UBXN7: variants seen among roughly 807,000 people sequenced by gnomAD.
UBXN7 encodes the protein UBX domain-containing protein 7.
Under a neutral mutation model 58.0 loss-of-function variants are expected in UBXN7, and 9 were observed. The ratio of observed to expected loss-of-function variants is 0.16; its 90% CI spans 0.09 to 0.27. The LOEUF is 0.27. Among genes scored for constraint, UBXN7 ranks in the 10% least tolerant of loss-of-function variants. UBXN7 has a pLI of 1.00. For synonymous variants in UBXN7, 208 were observed against 205.0 expected, an observed-to-expected ratio of 1.01 and a Z score of -0.12; for missense variants, 328 against 599.6, an observed-to-expected ratio of 0.55 and a Z score of 4.73.
chr3:196,381,333 C>T (rs1729199254), intron 5 of UBXN7, among the ~76,000 whole-genome samples: 1 of 152,202 alleles, frequency 6.6e-6, no homozygotes, highest in South Asian at 2.1e-4. Context: ...GCTGGTGATA[C>T]CCAGGCAAAC....
rs370942304 is a variant in UBXN7, at chr3:196,369,875, G to A, written c.616-364C>T. Among the ~76,000 whole-genome samples, 4 of 152,210 alleles carry A rather than the reference G, an allele frequency of 2.6e-5. No individual in the cohort carries two copies. In the East Asian group the frequency reaches 7.7e-4, roughly 29 times the overall value. ...GGGCCAGGCATGGTGGCTCACGCCTGTAATCCCAGCACTTTAGGAGGCCGA... is the reference window on the plus strand; with the variant it reads ...GGGCCAGGCATGGTGGCTCACGCCTATAATCCCAGCACTTTAGGAGGCCGA... On this transcript the variant is annotated intron_variant, in intron 6 of 10. Coordinates refer to ENST00000296328, the MANE Select transcript of UBXN7 (RefSeq NM_015562.2).
chr3:196,369,870 C>T (rs1340979191), intron 6 of UBXN7, among the ~76,000 whole-genome samples: 1 of 152,086 alleles, frequency 6.6e-6, no homozygotes, highest in Admixed American at 6.6e-5. Context: ...TGGTGGCTCA[C>T]GCCTGTAATC....
chr3:196,363,045 CA>C (rs1728548751), intron 8 of UBXN7, among the ~76,000 whole-genome samples: 1 of 151,970 alleles, frequency 6.6e-6, no homozygotes, highest in African/African-American at 2.4e-5. Context: ...GCTGGGATTA[CA>C]AGCGCCCGCC....
chr3:196,422,625 G>A (rs1730723105), intron 1 of UBXN7, among the ~76,000 whole-genome samples: 2 of 152,256 alleles, frequency 1.3e-5, no homozygotes, highest in African/African-American at 4.8e-5. Flanking sequence ...CTGGCCTAGA[G>A]CAATCCTCCC....
At chr3:196,370,263 GTTTTTTTGTT>G (rs987022909) in intron 6 of UBXN7, among the ~76,000 whole-genome samples, 9 of 125,256 alleles carry the variant, frequency 7.2e-5, no homozygotes, top group Admixed American at 3.5e-4. Flanking sequence ...TCCACGAGAA[GTTTTTTTGTT>G]TTTTTTTGTT....
rs1730038988 is a variant in UBXN7 at position 196,402,954 on chromosome 3, C to A, written c.287G>T (p.Gly96Val). 6.3e-7 allele frequency: 1 copy of A among 1,595,466 alleles called. No individual in the cohort carries two copies. Among genetic ancestry groups the A allele is most frequent in the Non-Finnish European group, 8.5e-7 (1 of 1,176,144 alleles). ...CTAAGGGAAAAAAGTGAACTTACCACCAAATAATGGTTCTGGTTCCACCAG... is the reference window on the plus strand; with the variant it reads ...CTAAGGGAAAAAAGTGAACTTACCAACAAATAATGGTTCTGGTTCCACCAG... ...EILVEPEPLFGAPKRRRPARS... is the reference protein window; with the variant it reads ...EILVEPEPLFVAPKRRRPARS... Residue 96 changes from glycine (G) to valine (V), a missense_variant and splice_region_variant, in exon 3 of 11, where the codon GGT becomes GTT. Gly to Val is a moderately radical substitution (Grantham distance 109). Coordinates refer to ENST00000296328, the MANE Select transcript of UBXN7 (RefSeq NM_015562.2).
intron 10 of UBXN7, among the ~76,000 whole-genome samples, chr3:196,360,787 G>A (rs373534375): frequency 6.6e-6 from 1 of 152,138 alleles, no homozygotes; most frequent in Non-Finnish European, 1.5e-5. Context: ...ACTTTGGGAG[G>A]CTGCGGTGAG....
chr3:196,351,212 A>C lies in UBXN7; in HGVS notation c.*5473T>G, dbSNP rs1728201161. 9.2e-5 allele frequency: 14 copies of C among 152,242 alleles called. No individual in the cohort carries two copies. The highest frequency in any genetic ancestry group is 8.5e-4 in the Admixed American group (13 of 15,286). The allele number at this position is 152,242 out of a possible 1,614,324, so 9.4% of individuals were successfully genotyped here. On this transcript the variant is annotated 3_prime_UTR_variant, in exon 11 of 11. Transcript: ENST00000296328. ...CAAAACCAGGTGTGAATCTTATACA[A>C]ATCAATTTCCCAACAGGCCAGTAAA...
At chr3:196,419,004 G>A (rs990153655) in intron 1 of UBXN7, among the ~76,000 whole-genome samples, 3 of 152,168 alleles carry the variant, frequency 2.0e-5, no homozygotes, top group Non-Finnish European at 2.9e-5. Context: ...GGTGGCTCAC[G>A]CCTGTAATCC....
At chr3:196,422,355 C>T (rs974392734) in intron 1 of UBXN7, among the ~76,000 whole-genome samples, 7 of 151,944 alleles carry the variant, frequency 4.6e-5, no homozygotes, top group Admixed American at 4.6e-4. Context: ...GTGGTGTGTG[C>T]CTGTAGTCCC....
rs777458391 is a variant in UBXN7, at chr3:196,376,545, CAAAAAAAAAAAA to C, written c.469-4515_469-4504del. Among the ~76,000 whole-genome samples, 201 of 50,936 alleles carry C rather than the reference CAAAAAAAAAAAA, an allele frequency of 3.9e-3. 1 individual carries two copies. Among genetic ancestry groups the C allele is most frequent in the African/African-American group, 0.012 (192 of 16,640 alleles). The allele number at this position is 50,936 out of a possible 152,430, so 33.4% of individuals were successfully genotyped here. A position where few individuals can be genotyped will look rare whatever the true frequency, so the allele number is the denominator to read the frequency against. On this transcript the variant is annotated intron_variant, in intron 5 of 10. Transcript: ENST00000296328. The stretch of plus-strand genomic sequence containing the variant: ...TGGGCGACAGAGCGAGACTCTGTCT[CAAAAAAAAAAAA>C]AAAAAAAAAAAGAAAAGAAAAGAAA...
At chr3:196,401,298 T>TATATATATAC (rs1269101481) in intron 3 of UBXN7, among the ~76,000 whole-genome samples, 12 of 61,684 alleles carry the variant, frequency 1.9e-4, no homozygotes, top group African/African-American at 7.8e-4. Flanking sequence ...TATATATATA[T>TATATATATAC]ACACACACAC....
In UBXN7 at chr3:196,353,016, T is replaced by C. The variant is rs1445093679; in HGVS notation, c.*3669A>G. On this transcript the variant is annotated 3_prime_UTR_variant, in exon 11 of 11. Transcript: ENST00000296328. The stretch of plus-strand genomic sequence containing the variant: ...CCAGTGCATCATTTTAAAAAAGCAA[T>C]AATCAGCCTCTCAAAATAATGGCAT... The C allele has an allele frequency of 6.6e-6, 1 of 152,198 alleles. No homozygotes were observed. The highest frequency in any genetic ancestry group is 2.4e-5 in the African/African-American group (1 of 41,452). 9.4% of individuals were successfully genotyped at this position (152,198 alleles called of 1,614,324 possible). A position where few individuals can be genotyped will look rare whatever the true frequency, so the allele number is the denominator to read the frequency against.
intron 5 of UBXN7, among the ~76,000 whole-genome samples, chr3:196,383,552 A>G (rs1029037272): frequency 2.6e-5 from 4 of 152,226 alleles, no homozygotes; most frequent in Non-Finnish European, 5.9e-5. Context: ...GTTGGAAGTA[A>G]AGCACTCCTC....
rs900131596 is a variant in UBXN7, at chr3:196,356,019, A to C, written c.*666T>G. The C allele has an allele frequency of 7.0e-6, 1 of 142,358 alleles. No homozygotes were observed. The highest frequency in any genetic ancestry group is 1.6e-5 in the Non-Finnish European group (1 of 64,050). The allele number at this position is 142,358 out of a possible 1,614,324, so 8.8% of individuals were successfully genotyped here. A position where few individuals can be genotyped will look rare whatever the true frequency, so the allele number is the denominator to read the frequency against. Reference sequence around the variant, plus strand: ...CCATGCTATATGCTCCATATTTAACACTCATTCTGCCAATAACACATGTCA... The same window carrying C: ...CCATGCTATATGCTCCATATTTAACCCTCATTCTGCCAATAACACATGTCA... On this transcript the variant is annotated 3_prime_UTR_variant, in exon 11 of 11. Coordinates refer to ENST00000296328, the MANE Select transcript of UBXN7 (RefSeq NM_015562.2).
At chr3:196,425,747 G>C (rs1298214223) in intron 1 of UBXN7, among the ~76,000 whole-genome samples, 3 of 152,128 alleles carry the variant, frequency 2.0e-5, no homozygotes, top group Admixed American at 1.3e-4. Flanking sequence ...TCTCATCTCT[G>C]TCTGTATACA....
At chr3:196,379,992 G>A (rs187197765) in intron 5 of UBXN7, among the ~76,000 whole-genome samples, 94 of 152,330 alleles carry the variant, frequency 6.2e-4, no homozygotes, top group Non-Finnish European at 1.1e-3. Flanking sequence ...GGTCATGCCT[G>A]TAATCCCAGC....
At chr3:196,367,357 T>C (rs1284578418) in intron 8 of UBXN7, among the ~76,000 whole-genome samples, 2 of 152,154 alleles carry the variant, frequency 1.3e-5, no homozygotes, top group African/African-American at 4.8e-5. Context: ...TAATAGTATA[T>C]TCTAGAAATT....
chr3:196,396,125 CTCCTT>C (rs1323105335), intron 3 of UBXN7, among the ~76,000 whole-genome samples: 1 of 150,342 alleles, frequency 6.7e-6, no homozygotes, highest in Non-Finnish European at 1.5e-5. Flanking sequence ...TCCTCCCTCC[CTCCTT>C]TCTTCATTTC....
Sources: allele counts gnomAD v4.1 joint callset (sites outside exome capture counted in the v4.1 genomes callset), GRCh38; gene constraint gnomAD v4.1.1; transcripts MANE v1.5; gene names NCBI Gene and HGNC (gene_info 2026-07-23, HGNC 2026-07-21).